The following ALG14 variants were observed in gnomAD, a reference collection of about 807,000 sequenced individuals.
ALG14 encodes UDP-N-acetylglucosamine transferase subunit ALG14.
Under a neutral mutation model 22.8 loss-of-function variants are expected in ALG14, and 17 were observed. The observed-to-expected ratio is 0.75, with a 90% confidence interval of 0.51 to 1.12. The LOEUF is 1.12. Ranked by LOEUF, ALG14 falls within the 50% of genes most tolerant of loss-of-function variation. ALG14 has a pLI of 0.00. For synonymous variants in ALG14, 89 were observed against 103.7 expected, an observed-to-expected ratio of 0.86 and a Z score of 0.86; for missense variants, 288 against 271.8, an observed-to-expected ratio of 1.06 and a Z score of -0.42.
intron 1 of ALG14, among the ~76,000 whole-genome samples, chr1:95,071,656 T>C (rs1557661736): frequency 6.6e-6 from 1 of 152,230 alleles, no homozygotes; most frequent in East Asian, 1.9e-4. Flanking sequence ...CCAAGTGTTA[T>C]CACCTTCTTT....
intron 2 of ALG14, among the ~76,000 whole-genome samples, chr1:95,053,973 T>C (rs1053639649): frequency 2.6e-5 from 4 of 152,162 alleles, no homozygotes; most frequent in African/African-American, 9.7e-5. Flanking sequence ...AATGTCAGAT[T>C]AGAGTTTTAC....
intron 3 of ALG14, among the ~76,000 whole-genome samples, chr1:94,999,268 A>T (rs893909256): frequency 5.4e-5 from 8 of 149,120 alleles, no homozygotes; most frequent in Non-Finnish European, 1.0e-4. Flanking sequence ...ACCAAAAAAG[A>T]CATAGTCCAC....
rs994767434 is a variant in ALG14 at position 94,982,404 on chromosome 1, G to T, written c.*672C>A. 1 of 152,238 alleles carries T rather than the reference G, an allele frequency of 6.6e-6. No individual in the cohort carries two copies. The highest frequency in any genetic ancestry group is 6.6e-5 in the Admixed American group (1 of 15,264). 9.4% of individuals were successfully genotyped at this position (152,238 alleles called of 1,614,324 possible). ...GCCTCCCAAGGTGCTGGGATTACAG[G>T]TGTGAGCCGTCATGCCGGCCTAAAC... On this transcript the variant is annotated 3_prime_UTR_variant, in exon 4 of 4. Transcript: ENST00000370205.
intron 2 of ALG14, among the ~76,000 whole-genome samples, chr1:95,039,888 C>A (rs1307496111): frequency 6.6e-6 from 1 of 151,988 alleles, no homozygotes; most frequent in Non-Finnish European, 1.5e-5. Context: ...GGTGTGAGAT[C>A]TCTGCCGGGT....
intron 3 of ALG14, among the ~76,000 whole-genome samples, chr1:94,991,026 C>T (rs1293683490): frequency 6.6e-6 from 1 of 152,270 alleles, no homozygotes; most frequent in Non-Finnish European, 1.5e-5. Context: ...GCTTTGCAAT[C>T]ATGCAGACCC....
chr1:95,030,472 T>G (rs575790307), intron 2 of ALG14, among the ~76,000 whole-genome samples: 1 of 152,348 alleles, frequency 6.6e-6, no homozygotes, highest in East Asian at 1.9e-4. Flanking sequence ...TTTTTGGCTG[T>G]TACTTCCACC....
rs775514355 is a variant in ALG14 at position 94,983,167 on chromosome 1, A to G, written c.560T>C (p.Ile187Thr). Residue 187 changes from isoleucine to threonine, a missense_variant, in exon 4 of 4, where the codon ATT becomes ACT. By Grantham distance (89) the Ile-to-Thr change is moderately conservative. Transcript: ENST00000370205. Reference sequence around the variant, plus strand: ...GAAGTAATCTGAGAGATGAAACAGAATCTTTCCGGACATGGATAACGTTTC... The same window carrying G: ...GAAGTAATCTGAGAGATGAAACAGAGTCTTTCCGGACATGGATAACGTTTC... ...RVETLSMSGK[I>T]LFHLSDYFIV... 29 of 1,614,032 alleles carry G rather than the reference A, an allele frequency of 1.8e-5. No individual in the cohort carries two copies. In the South Asian group the frequency reaches 2.3e-4, roughly 13 times the overall value.
At chr1:95,063,065 CTTTCA>C (rs1675222678) in intron 2 of ALG14, among the ~76,000 whole-genome samples, 1 of 152,056 alleles carries the variant, frequency 6.6e-6, no homozygotes, top group African/African-American at 2.4e-5. Flanking sequence ...GTTGAGCTTT[CTTTCA>C]TATGTTTGTT....
intron 2 of ALG14, among the ~76,000 whole-genome samples, chr1:95,031,766 T>A (rs1030130655): frequency 1.3e-5 from 2 of 152,204 alleles, no homozygotes; most frequent in Non-Finnish European, 2.9e-5. Context: ...TATTTATTTA[T>A]GTATTGCTGT....
rs1052837357 is a variant in ALG14 at position 94,982,683 on chromosome 1, A to C, written c.*393T>G. 2 of 134,838 alleles carry C rather than the reference A, an allele frequency of 1.5e-5. No homozygotes were observed. Among genetic ancestry groups the C allele is most frequent in the African/African-American group, 5.5e-5 (2 of 36,144 alleles). 8.4% of individuals were successfully genotyped at this position (134,838 alleles called of 1,614,324 possible). A position where few individuals can be genotyped will look rare whatever the true frequency, so the allele number is the denominator to read the frequency against. On this transcript the variant is annotated 3_prime_UTR_variant, in exon 4 of 4. Transcript: ENST00000370205. ...ATACTTTTTTTCTCTCTTCTTTTAC[A>C]ATGCAGAATACTTTACAAAAAAAAA...
intron 1 of ALG14, 141 bp from the exon 2 acceptor site, chr1:95,065,158 A>T: frequency 1.5e-6 from 1 of 672,238 alleles, no homozygotes; most frequent in Non-Finnish European, 2.4e-6. Flanking sequence ...CACAAGGAAC[A>T]TTTGAAAACA....
intron 2 of ALG14, among the ~76,000 whole-genome samples, chr1:95,044,303 G>A (rs1674475935): frequency 6.6e-6 from 1 of 152,152 alleles, no homozygotes; most frequent in African/African-American, 2.4e-5. Context: ...CGAGTGACCT[G>A]TGTAAAACAG....
intron 2 of ALG14, among the ~76,000 whole-genome samples, chr1:95,043,905 A>AGT (rs1377632641): frequency 3.9e-5 from 6 of 152,000 alleles, no homozygotes; most frequent in African/African-American, 1.5e-4. Context: ...AGAGTGCACA[A>AGT]GTGTGTAGAG....
intron 3 of ALG14, among the ~76,000 whole-genome samples, chr1:95,019,249 A>T (rs985483906): frequency 2.0e-5 from 3 of 152,238 alleles, no homozygotes; most frequent in African/African-American, 7.2e-5. Context: ...CGTGAAACTT[A>T]TAAATCTGGT....
At chr1:95,015,489 G>A (rs1385895233) in intron 3 of ALG14, among the ~76,000 whole-genome samples, 1 of 152,194 alleles carries the variant, frequency 6.6e-6, no homozygotes, top group Non-Finnish European at 1.5e-5. Flanking sequence ...GTTCACAGGA[G>A]GGCAAGATCT....
chr1:95,066,318 G>A (rs1015696683), intron 1 of ALG14, among the ~76,000 whole-genome samples: 2 of 151,974 alleles, frequency 1.3e-5, no homozygotes, highest in African/African-American at 2.4e-5. Flanking sequence ...CCACCTCCCA[G>A]GTTCAGGCGA....
chr1:94,984,854 A>G (rs1672595667), intron 3 of ALG14, among the ~76,000 whole-genome samples: 3 of 152,182 alleles, frequency 2.0e-5, no homozygotes, highest in Non-Finnish European at 1.5e-5. Flanking sequence ...ACAACGCACT[A>G]TGGCCAAGTA....
At position 95,033,446 on chromosome 1, in the gene ALG14, T is replaced by C. The variant is rs544975882; in HGVS notation, c.289-6186A>G. On this transcript the variant is annotated intron_variant, in intron 2 of 3. Transcript: ENST00000370205. ...ACACACACACACACACACACACACA[T>C]ACATATATATACACACACACACACA... 6.9e-3 allele frequency among the ~76,000 whole-genome samples: 944 copies of C among 136,366 alleles called. 10 individuals carry two copies. The highest frequency in any genetic ancestry group is 0.024 in the African/African-American group (817 of 34,618). The allele number at this position is 136,366 out of a possible 152,430, so 89.5% of individuals were successfully genotyped here.
rs56748968 is a variant in ALG14, at chr1:95,058,284, GAAAAAAAAAAAAAAAAAA to G, written c.288+6564_288+6581del. Among the ~76,000 whole-genome samples the G allele has an allele frequency of 1.9e-4, 4 of 20,514 alleles. 1 individual carries two copies. The East Asian group carries it at 7.1e-3, about 36-fold the overall frequency. 13.5% of individuals were successfully genotyped at this position (20,514 alleles called of 152,430 possible). A position where few individuals can be genotyped will look rare whatever the true frequency, so the allele number is the denominator to read the frequency against. ...CTGGCAACAAAGCGAGACTCCATCT[GAAAAAAAAAAAAAAAAAA>G]AAAAAAAAAAAGATATTTTCAGAGA... On this transcript the variant is annotated intron_variant, in intron 2 of 3. Transcript: ENST00000370205.
Sources: gnomAD v4.1 joint callset for allele counts (sites outside exome capture counted in the v4.1 genomes callset) on GRCh38, gnomAD v4.1.1 for gene constraint, MANE v1.5 for transcripts, NCBI Gene and HGNC (gene_info 2026-07-23, HGNC 2026-07-21) for gene names.